Variants in DACH2 observed in about 807,000 individuals in gnomAD.
DACH2 encodes the protein dachshund homolog 2.
In DACH2, 17 loss-of-function variants were observed where a neutral mutation model predicts 35.8. The ratio of observed to expected loss-of-function variants is 0.48; its 90% CI spans 0.33 to 0.71. The LOEUF (loss-of-function observed/expected upper bound fraction) is 0.71, where lower values mean the gene tolerates loss of function less well. Among genes scored for constraint, DACH2 ranks in the 30% least tolerant of loss-of-function variants. The pLI, the probability that DACH2 is intolerant of heterozygous loss-of-function variation, is 0.02. For missense variants in DACH2, 469 were observed against 472.7 expected (o/e 0.99, Z 0.07); for synonymous variants, 195 against 177.3 (o/e 1.10, Z -0.79).
chrX:86,233,421 G>C, intron 1 of DACH2, among the ~76,000 whole-genome samples: 1 of 112,267 alleles, frequency 8.9e-6, no homozygotes, highest in Non-Finnish European at 1.9e-5. Context: ...ACACCAACTA[G>C]TTGATGTGGT....
intron 2 of DACH2, among the ~76,000 whole-genome samples, chrX:86,406,315 A>G (rs941786820): frequency 1.3e-4 from 15 of 111,748 alleles, no homozygotes; most frequent in Non-Finnish European, 2.8e-4. Flanking sequence ...ACATATTTTC[A>G]CTTATAAATG....
chrX:86,642,688 A>G (rs766200780), intron 3 of DACH2, among the ~76,000 whole-genome samples: 5 of 112,370 alleles, frequency 4.4e-5, no homozygotes, highest in Non-Finnish European at 9.4e-5. Context: ...ATACTCTAAA[A>G]TCAATTAAGT....
rs1348848403 is a variant in DACH2 at position 86,783,146 on chromosome X, C to G, written c.1241-29710C>G. ...TTCTCAAAAGAAGACATGCAAATAG[C>G]AAACAGACACATGAAAAAGTTCTCA... On this transcript the variant is annotated intron_variant, in intron 7 of 11. Coordinates refer to ENST00000373125, the MANE Select transcript of DACH2 (RefSeq NM_053281.3). 2.7e-5 allele frequency among the ~76,000 whole-genome samples: 3 copies of G among 111,650 alleles called. No homozygotes were observed. In the East Asian group the frequency reaches 8.5e-4, roughly 31 times the overall value.
chrX:86,301,662 A>G (rs1003470769), intron 1 of DACH2, among the ~76,000 whole-genome samples: 2 of 112,025 alleles, frequency 1.8e-5, no homozygotes, highest in Non-Finnish European at 1.9e-5. Flanking sequence ...ACATTATGAC[A>G]TTGAAAAAAT....
chrX:86,570,961 C>A (rs1486872968), intron 3 of DACH2, among the ~76,000 whole-genome samples: 6 of 110,952 alleles, frequency 5.4e-5, no homozygotes, highest in Non-Finnish European at 9.5e-5. Flanking sequence ...TACATTATAT[C>A]AAATTTTTAT....
intron 1 of DACH2, among the ~76,000 whole-genome samples, chrX:86,154,176 A>G (rs1179692958): frequency 9.0e-6 from 1 of 111,507 alleles, no homozygotes; most frequent in African/African-American, 3.2e-5. Context: ...TGAAAAGCCT[A>G]ATCACAACAT....
chrX:86,370,645 A>T (rs2035873701), intron 1 of DACH2, among the ~76,000 whole-genome samples: 1 of 111,741 alleles, frequency 8.9e-6, no homozygotes, highest in Non-Finnish European at 1.9e-5. Context: ...TCCAACAGAA[A>T]CATTGTAGAC....
chrX:86,776,747 C>T (rs759619596), intron 7 of DACH2, among the ~76,000 whole-genome samples: 1 of 110,912 alleles, frequency 9.0e-6, no homozygotes, highest in Admixed American at 9.7e-5. Context: ...ATCCCTCCAC[C>T]CCACAACAGG....
chrX:86,575,845 C>G (rs902620618), intron 3 of DACH2, among the ~76,000 whole-genome samples: 1 of 111,386 alleles, frequency 9.0e-6, no homozygotes, highest in African/African-American at 3.3e-5. Flanking sequence ...TCCCCTCAAC[C>G]AACACTTGTA....
intron 4 of DACH2, among the ~76,000 whole-genome samples, chrX:86,693,654 T>A (rs2041034179): frequency 8.9e-6 from 1 of 112,521 alleles, no homozygotes; most frequent in Admixed American, 9.5e-5. Flanking sequence ...CCTGAAAAGT[T>A]TACAACTCTC....
intron 1 of DACH2, among the ~76,000 whole-genome samples, chrX:86,356,277 A>G (rs938113901): frequency 8.9e-6 from 1 of 111,824 alleles, no homozygotes; most frequent in Non-Finnish European, 1.9e-5. Context: ...AGCACCATTT[A>G]CTGAATAGGG....
chrX:86,211,237 C>T (rs911271417), intron 1 of DACH2, among the ~76,000 whole-genome samples: 22 of 111,694 alleles, frequency 2.0e-4, no homozygotes, highest in Admixed American at 1.7e-3. Context: ...GTGGAAGCTA[C>T]GTTCTTGTTC....
At chrX:86,410,530 G>A (rs1244014492) in intron 2 of DACH2, among the ~76,000 whole-genome samples, 1 of 111,166 alleles carries the variant, frequency 9.0e-6, no homozygotes, top group Non-Finnish European at 1.9e-5. Flanking sequence ...TCCACTCTGG[G>A]GGTACAGGGG....
chrX:86,700,162 T>C (rs1368189557), intron 5 of DACH2, among the ~76,000 whole-genome samples: 1 of 111,432 alleles, frequency 9.0e-6, no homozygotes, highest in African/African-American at 3.3e-5. Flanking sequence ...TTTTCTGAGA[T>C]TTTTTTATAT....
At chrX:86,452,488 G>C (rs1180064800) in intron 2 of DACH2, among the ~76,000 whole-genome samples, 3 of 111,069 alleles carry the variant, frequency 2.7e-5, no homozygotes, top group South Asian at 3.7e-4. Flanking sequence ...AGTTATTACT[G>C]CCTCAATTTC....
chrX:86,617,054 G>A (rs1259511467), intron 3 of DACH2, among the ~76,000 whole-genome samples: 1 of 111,639 alleles, frequency 9.0e-6, no homozygotes, highest in East Asian at 2.8e-4. Context: ...CTGCTTTGTT[G>A]AAGATCAAAT....
intron 2 of DACH2, among the ~76,000 whole-genome samples, chrX:86,424,048 A>C (rs778525543): frequency 9.0e-6 from 1 of 110,591 alleles, no homozygotes; most frequent in East Asian, 2.9e-4. Flanking sequence ...TATATATGTC[A>C]GTTTTTATGC....
intron 1 of DACH2, among the ~76,000 whole-genome samples, chrX:86,293,713 C>G (rs867142669): frequency 9.8e-4 from 109 of 111,067 alleles, no homozygotes; most frequent in African/African-American, 2.6e-3. Flanking sequence ...GAAATTCTGG[C>G]TTGAAAATTC....
chrX:86,437,815 T>A lies in DACH2; in HGVS notation c.527+60953T>A, dbSNP rs762687914. Reference sequence around the variant, plus strand: ...TAACCAGTTGTGGGATTACTGGTAGTTTTTTTAGTTTTTTTTTTTCTTGAA... The same window carrying A: ...TAACCAGTTGTGGGATTACTGGTAGATTTTTTAGTTTTTTTTTTTCTTGAA... On this transcript the variant is annotated intron_variant, in intron 2 of 11. Coordinates refer to ENST00000373125, the MANE Select transcript of DACH2 (RefSeq NM_053281.3). Among the ~76,000 whole-genome samples the A allele has an allele frequency of 2.7e-5, 3 of 110,777 alleles. No homozygotes were observed. The South Asian group carries it at 1.1e-3, about 42-fold the overall frequency.
Sources: allele counts gnomAD v4.1 joint callset (sites outside exome capture counted in the v4.1 genomes callset), GRCh38; gene constraint gnomAD v4.1.1; transcripts MANE v1.5; gene names NCBI Gene and HGNC (gene_info 2026-07-23, HGNC 2026-07-21).